The following HOOK3 variants were observed in gnomAD, a reference collection of about 807,000 sequenced individuals.
The protein encoded by HOOK3 is hook microtubule tethering protein 3, also known as protein Hook homolog 3.
In HOOK3, 24 loss-of-function variants were observed where a neutral mutation model predicts 116.3. The ratio of observed to expected loss-of-function variants is 0.21; its 90% CI spans 0.15 to 0.29. The LOEUF (loss-of-function observed/expected upper bound fraction) is 0.29. Ranked by LOEUF, HOOK3 falls within the 10% of genes least tolerant of loss-of-function variation. The pLI is 1.00. For missense variants in HOOK3, 632 were observed against 830.2 expected (o/e 0.76, Z 2.93); for synonymous variants, 275 against 283.0 (o/e 0.97, Z 0.28).
chr8:42,912,390 T>C (rs1025283416), intron 2 of HOOK3, among the ~76,000 whole-genome samples: 7 of 152,216 alleles, frequency 4.6e-5, no homozygotes, highest in African/African-American at 1.7e-4. Flanking sequence ...TTCATTCATG[T>C]CTCCTACTTA....
intron 8 of HOOK3, among the ~76,000 whole-genome samples, chr8:42,959,764 G>A (rs1199599724): frequency 2.0e-5 from 3 of 148,262 alleles, no homozygotes; most frequent in African/African-American, 7.5e-5. Flanking sequence ...ATAATTAAAG[G>A]TAAAGTTGAG....
At chr8:42,995,548 C>A (rs568010228) in intron 15 of HOOK3, among the ~76,000 whole-genome samples, 2 of 152,134 alleles carry the variant, frequency 1.3e-5, no homozygotes, top group African/African-American at 2.4e-5. Context: ...CTTTGTTAGT[C>A]TTTTACACTG....
chr8:43,005,220 T>A (rs1364385837), intron 17 of HOOK3, among the ~76,000 whole-genome samples: 3 of 131,160 alleles, frequency 2.3e-5, no homozygotes, highest in African/African-American at 6.4e-5. Context: ...TATAATTTTT[T>A]TTTTTTTTTT....
At chr8:42,950,677 T>A (rs1440868681) in intron 6 of HOOK3, among the ~76,000 whole-genome samples, 1 of 151,982 alleles carries the variant, frequency 6.6e-6, no homozygotes, top group Non-Finnish European at 1.5e-5. Context: ...GGTATAGATA[T>A]AACTATTCCT....
At position 43,027,655 on chromosome 8, in the gene HOOK3, A is replaced by C. The variant is rs562187603; in HGVS notation, c.*9157A>C. On this transcript the variant is annotated 3_prime_UTR_variant, in exon 22 of 22. Transcript: ENST00000307602. Reference sequence around the variant, plus strand: ...AAATACAATGTTCTGAATATCTTCCACTAATTAATTGTTGAATGATTAAGT... The same window carrying C: ...AAATACAATGTTCTGAATATCTTCCCCTAATTAATTGTTGAATGATTAAGT... 2.9e-5 allele frequency: 6 copies of C among 209,764 alleles called. No homozygotes were observed. The highest frequency in any genetic ancestry group is 1.1e-4 in the African/African-American group (5 of 43,912). 13.0% of individuals were successfully genotyped at this position (209,764 alleles called of 1,614,324 possible). A position where few individuals can be genotyped will look rare whatever the true frequency, so the allele number is the denominator to read the frequency against.
intron 8 of HOOK3, among the ~76,000 whole-genome samples, chr8:42,961,529 A>G (rs1185297364): frequency 6.6e-6 from 1 of 151,566 alleles, no homozygotes; most frequent in African/African-American, 2.4e-5. Flanking sequence ...AACAGTGATT[A>G]ACTATATTTA....
At chr8:43,009,350 G>A (rs1156726023) in intron 18 of HOOK3, among the ~76,000 whole-genome samples, 2 of 151,490 alleles carry the variant, frequency 1.3e-5, no homozygotes, top group African/African-American at 4.9e-5. Flanking sequence ...AGGTTGGAGT[G>A]AGCCGAGATC....
At chr8:42,930,283 G>A (rs774064284) in intron 4 of HOOK3, 111 bp downstream of exon 4, 13 of 972,576 alleles carry the variant, frequency 1.3e-5, no homozygotes, top group Admixed American at 4.2e-5. Flanking sequence ...TCAGTTTGTC[G>A]TTCATTTTAT....
chr8:42,918,470 C>T (rs995438218), intron 2 of HOOK3, among the ~76,000 whole-genome samples: 4 of 151,074 alleles, frequency 2.6e-5, no homozygotes, highest in South Asian at 4.2e-4. Context: ...GGGTGTTTCT[C>T]GGAGAGGGGG....
Position 42,974,188 on chromosome 8 carries a change from A to G in HOOK3, c.1315A>G (p.Thr439Ala). The G allele has an allele frequency of 6.2e-7, 1 of 1,612,058 alleles. No homozygotes were observed. Among genetic ancestry groups the G allele is most frequent in the Non-Finnish European group, 8.5e-7 (1 of 1,178,170 alleles). The change falls in exon 13 of 22, where the codon ACA becomes GCA. Residue 439 changes from threonine to alanine, a missense_variant. Physicochemically the swap from Thr to Ala is moderately conservative, Grantham distance 58. This residue lies in a region of HOOK3 where 483 missense variants were observed against 648.1 expected (regional missense o/e 0.75). Transcript: ENST00000307602. The part of the protein sequence containing the change: ...CVQAQEGQLT[T>A]QGLMPLGSQE... ...ACAAGCTCAAGAAGGGCAGCTCACA[A>G]CACAAGGTAAAAACGTTTTGCGAGT...
chr8:42,970,688 C>G (rs1362629758), intron 11 of HOOK3, among the ~76,000 whole-genome samples: 1 of 151,302 alleles, frequency 6.6e-6, no homozygotes, highest in Non-Finnish European at 1.5e-5. Context: ...TATGTTGATT[C>G]TGCAACCTTG....
At chr8:42,944,849 G>A (rs1232241138) in intron 5 of HOOK3, among the ~76,000 whole-genome samples, 2 of 151,872 alleles carry the variant, frequency 1.3e-5, no homozygotes, top group Admixed American at 1.3e-4. Context: ...TAACTTAATG[G>A]TATCTATCAC....
intron 3 of HOOK3, 99 bp from the exon 4 acceptor site, chr8:42,930,022 GA>G: frequency 2.0e-6 from 2 of 984,024 alleles, no homozygotes; most frequent in Non-Finnish European, 3.0e-6. Flanking sequence ...TTTACTTTAT[GA>G]TTAACTGCAG....
At chr8:42,948,347 G>A (rs1450275950) in intron 5 of HOOK3, among the ~76,000 whole-genome samples, 1 of 152,106 alleles carries the variant, frequency 6.6e-6, no homozygotes, top group Non-Finnish European at 1.5e-5. Context: ...CCCGGTAATA[G>A]CATATCATTT....
Position 42,963,998 on chromosome 8 carries a change from G to C in HOOK3, c.616-313G>C, listed in dbSNP as rs182495257. Reference sequence around the variant, plus strand: ...CGAGGCAGGCGGATCATGAGGTCAAGAGATCAAGACCATTCTGGCTAACAT... The same window carrying C: ...CGAGGCAGGCGGATCATGAGGTCAACAGATCAAGACCATTCTGGCTAACAT... On this transcript the variant is annotated intron_variant, in intron 8 of 21. Transcript: ENST00000307602. Among the ~76,000 whole-genome samples, 5 of 152,336 alleles carry C rather than the reference G, an allele frequency of 3.3e-5. No homozygotes were observed. In the East Asian group the frequency reaches 9.6e-4, roughly 29 times the overall value.
chr8:42,923,369 G>A (rs1461711132), intron 2 of HOOK3, among the ~76,000 whole-genome samples: 2 of 152,166 alleles, frequency 1.3e-5, no homozygotes, highest in African/African-American at 4.8e-5. Flanking sequence ...GTACAGCAGT[G>A]TTCAAGGCAT....
At chr8:42,932,360 T>C (rs1440362486) in intron 4 of HOOK3, among the ~76,000 whole-genome samples, 1 of 152,004 alleles carries the variant, frequency 6.6e-6, no homozygotes, top group Non-Finnish European at 1.5e-5. Flanking sequence ...AAAAAAGTAG[T>C]TTTTAATAAA....
chr8:42,998,896 T>C (rs191007057), intron 16 of HOOK3, among the ~76,000 whole-genome samples: 1 of 152,338 alleles, frequency 6.6e-6, no homozygotes, highest in East Asian at 1.9e-4. Context: ...TATTGAAATA[T>C]TATTAAGCCT....
chr8:42,939,524 T>C (rs1189081929), intron 4 of HOOK3, among the ~76,000 whole-genome samples: 6 of 138,212 alleles, frequency 4.3e-5, no homozygotes, highest in East Asian at 2.3e-4. Context: ...GGCGGGGGGC[T>C]GATCCCCCCA....
Sources: gnomAD v4.1 joint callset for allele counts (sites outside exome capture counted in the v4.1 genomes callset) on GRCh38, gnomAD v4.1.1 for gene constraint, gnomAD v4.1.1 regional missense constraint, MANE v1.5 for transcripts, NCBI Gene and HGNC (gene_info 2026-07-23, HGNC 2026-07-21) for gene names.